Variants in CLSTN2 observed in about 807,000 individuals in gnomAD.
CLSTN2 encodes the protein calsyntenin-2.
In CLSTN2, 48 loss-of-function variants were observed where a neutral mutation model predicts 101.2. The observed-to-expected ratio is 0.47, with a 90% CI of 0.38 to 0.60. CLSTN2 has a LOEUF of 0.60. Among genes scored for constraint, CLSTN2 ranks in the 20% least tolerant of loss-of-function variants. The pLI is 0.00. For synonymous variants in CLSTN2, 481 were observed against 463.6 expected, an observed-to-expected ratio of 1.04 and a Z score of -0.48; for missense variants, 1,160 against 1,238.2, an observed-to-expected ratio of 0.94 and a Z score of 0.95.
At position 139,985,140 on chromosome 3, in the gene CLSTN2, C is replaced by T. The variant is rs116610504; in HGVS notation, c.109+49657C>T. Reference sequence around the variant, plus strand: ...GCTCTGGTCTCCACAATTCACTCTCCGTAGGCAATTCTCCACTCAACACAT... The same window carrying T: ...GCTCTGGTCTCCACAATTCACTCTCTGTAGGCAATTCTCCACTCAACACAT... On this transcript the variant is annotated intron_variant, in intron 1 of 16. Transcript: ENST00000458420. Among the ~76,000 whole-genome samples the T allele has an allele frequency of 6.2e-3, 939 of 152,260 alleles. 7 individuals carry two copies. Among genetic ancestry groups the T allele is most frequent in the African/African-American group, 0.022 (899 of 41,556 alleles).
At chr3:140,060,141 T>C (rs2008177626) in intron 1 of CLSTN2, among the ~76,000 whole-genome samples, 3 of 152,220 alleles carry the variant, frequency 2.0e-5, no homozygotes, top group Non-Finnish European at 4.4e-5. Context: ...TAGGAAGAGT[T>C]CAATACAAGT....
chr3:139,999,477 C>A (rs957834188), intron 1 of CLSTN2, among the ~76,000 whole-genome samples: 18 of 152,178 alleles, frequency 1.2e-4, no homozygotes, highest in African/African-American at 4.1e-4. Context: ...CATACCTCAA[C>A]GCTCTTCCTT....
intron 1 of CLSTN2, among the ~76,000 whole-genome samples, chr3:139,973,080 G>A (rs1384692103): frequency 2.6e-5 from 4 of 152,228 alleles, no homozygotes; most frequent in African/African-American, 9.6e-5. Context: ...CTTATTTGGT[G>A]CTCACTGTGA....
At chr3:140,022,442 G>A (rs975480105) in intron 1 of CLSTN2, among the ~76,000 whole-genome samples, 5 of 152,228 alleles carry the variant, frequency 3.3e-5, no homozygotes, top group African/African-American at 9.6e-5. Flanking sequence ...ATGGAGGCAA[G>A]CTGCCCAGGA....
At chr3:140,484,565 A>C (rs1934197792) in intron 8 of CLSTN2, among the ~76,000 whole-genome samples, 1 of 152,118 alleles carries the variant, frequency 6.6e-6, no homozygotes, top group African/African-American at 2.4e-5. Flanking sequence ...GTGTTTTCCA[A>C]CTTAGTTCCA....
intron 2 of CLSTN2, among the ~76,000 whole-genome samples, chr3:140,394,937 G>A (rs554729093): frequency 6.6e-6 from 1 of 152,262 alleles, no homozygotes; most frequent in South Asian, 2.1e-4. Context: ...CTGGGCACCA[G>A]GCAGACCATT....
At chr3:139,953,391 C>A (rs1203620223) in intron 1 of CLSTN2, among the ~76,000 whole-genome samples, 1 of 152,102 alleles carries the variant, frequency 6.6e-6, no homozygotes, top group Non-Finnish European at 1.5e-5. Context: ...AACATGTTCC[C>A]CCTGAACCTC....
At chr3:140,131,173 C>T (rs372396352) in intron 1 of CLSTN2, among the ~76,000 whole-genome samples, 30 of 151,686 alleles carry the variant, frequency 2.0e-4, no homozygotes, top group African/African-American at 5.6e-4. Context: ...AAAAAAAATC[C>T]GGGCTTTATT....
intron 5 of CLSTN2, among the ~76,000 whole-genome samples, chr3:140,437,700 G>T (rs1250603666): frequency 6.6e-6 from 1 of 152,192 alleles, no homozygotes; most frequent in Non-Finnish European, 1.5e-5. Context: ...AGACTTATGA[G>T]CTCTGCATTC....
intron 12 of CLSTN2, among the ~76,000 whole-genome samples, chr3:140,560,148 CA>C (rs1357399103): frequency 6.6e-6 from 1 of 152,192 alleles, no homozygotes. Context: ...AGCACATAGC[CA>C]AGTGTCCAAG....
intron 1 of CLSTN2, among the ~76,000 whole-genome samples, chr3:139,972,631 T>G (rs1935733248): frequency 6.6e-6 from 1 of 152,306 alleles, no homozygotes; most frequent in Non-Finnish European, 1.5e-5. Context: ...TGGAAGCCCA[T>G]AGCAGAAGGC....
intron 4 of CLSTN2, among the ~76,000 whole-genome samples, chr3:140,420,833 C>T (rs1350971366): frequency 2.0e-5 from 3 of 152,174 alleles, no homozygotes; most frequent in Non-Finnish European, 4.4e-5. Context: ...CTTCTGGCAG[C>T]CCATTACTTA....
At chr3:139,978,012 G>A (rs151089474) in intron 1 of CLSTN2, among the ~76,000 whole-genome samples, 1 of 152,204 alleles carries the variant, frequency 6.6e-6, no homozygotes, top group East Asian at 1.9e-4. Context: ...TCTGAGGAAG[G>A]CCCCCAAGCA....
At chr3:140,123,373 G>T (rs1358002832) in intron 1 of CLSTN2, among the ~76,000 whole-genome samples, 3 of 152,130 alleles carry the variant, frequency 2.0e-5, no homozygotes, top group Non-Finnish European at 2.9e-5. Context: ...GAATTTTGGA[G>T]GGAATGCAAA....
chr3:140,346,200 C>T (rs1051648561), intron 2 of CLSTN2, among the ~76,000 whole-genome samples: 12 of 152,272 alleles, frequency 7.9e-5, no homozygotes, highest in African/African-American at 2.6e-4. Flanking sequence ...CTATGCCAGT[C>T]GAGTGAGCTA....
chr3:140,442,973 A>G (rs1466845881), intron 5 of CLSTN2, among the ~76,000 whole-genome samples: 1 of 152,188 alleles, frequency 6.6e-6, no homozygotes, highest in Non-Finnish European at 1.5e-5. Context: ...TTGGTGCCCA[A>G]ATCAAAGCCA....
chr3:140,110,186 A>T (rs772577691), intron 1 of CLSTN2, among the ~76,000 whole-genome samples: 3 of 152,322 alleles, frequency 2.0e-5, no homozygotes, highest in Middle Eastern at 3.4e-3. Flanking sequence ...TGAGGCACAT[A>T]TTATTTAGAT....
chr3:140,035,831 C>A (rs994008096), intron 1 of CLSTN2, among the ~76,000 whole-genome samples: 6 of 152,206 alleles, frequency 3.9e-5, no homozygotes, highest in Non-Finnish European at 8.8e-5. Flanking sequence ...ATCCTGAGCT[C>A]CTTGCCTGTG....
chr3:140,162,883 A>G (rs1344890915), intron 1 of CLSTN2, among the ~76,000 whole-genome samples: 2 of 152,238 alleles, frequency 1.3e-5, no homozygotes, highest in African/African-American at 4.8e-5. Flanking sequence ...GTAAAAATGT[A>G]TCATGCATTT....
Sources: allele counts gnomAD v4.1 joint callset (sites outside exome capture counted in the v4.1 genomes callset), GRCh38; gene constraint gnomAD v4.1.1; transcripts MANE v1.5; gene names NCBI Gene and HGNC (gene_info 2026-07-23, HGNC 2026-07-21).